The following SBF2 variants were observed in gnomAD, a reference collection of about 807,000 sequenced individuals.
SBF2 encodes the protein SET binding factor 2.
Under a neutral mutation model 225.2 loss-of-function variants are expected in SBF2, and 112 were observed. The observed-to-expected ratio is 0.50, with a 90% confidence interval of 0.43 to 0.58. The LOEUF is 0.58. SBF2 is among the 20% of genes least tolerant of loss of function. SBF2 has a pLI of 0.00. For missense variants in SBF2, 1,996 were observed against 2,206.2 expected (o/e 0.90, Z 1.91); for synonymous variants, 763 against 773.3 (o/e 0.99, Z 0.22).
At chr11:10,187,997 T>C (rs900015617) in intron 2 of SBF2, among the ~76,000 whole-genome samples, 4 of 152,216 alleles carry the variant, frequency 2.6e-5, no homozygotes, top group African/African-American at 9.7e-5. Flanking sequence ...GATGATCATC[T>C]AATAACATCC....
At chr11:9,796,019 C>T in intron 32 of SBF2, 62 bp from the exon 33 acceptor site, 1 of 1,538,458 alleles carries the variant, frequency 6.5e-7, no homozygotes, top group Non-Finnish European at 8.9e-7. Flanking sequence ...GGATGCCAGG[C>T]CACTGAAGGC....
intron 17 of SBF2, among the ~76,000 whole-genome samples, chr11:9,873,508 G>A (rs1360821526): frequency 2.6e-5 from 4 of 152,086 alleles, no homozygotes; most frequent in African/African-American, 9.7e-5. Flanking sequence ...GGGATAGTGG[G>A]GGCAGCAGCA....
In SBF2 at chr11:9,865,708, AAAAAAAAAG is replaced by A. The variant is rs1296935235; in HGVS notation, c.1930-7321_1930-7313del. 3.7e-3 allele frequency among the ~76,000 whole-genome samples: 550 copies of A among 147,206 alleles called. 26 individuals are homozygous for A. The highest frequency in any genetic ancestry group is 0.013 in the African/African-American group (513 of 39,470). On this transcript the variant is annotated intron_variant, in intron 17 of 39. Transcript: ENST00000256190. ...TGTCTCAAAAAAAAAAAAAAAAAAA[AAAAAAAAAG>A]GCGGGAGGCGTTGGGGGGCGAAACT...
At chr11:9,959,713 TTC>T in intron 16 of SBF2, 1 of 699,692 alleles carries the variant, frequency 1.4e-6, no homozygotes, top group Non-Finnish European at 2.7e-6. Context: ...GGCCTGGACT[TTC>T]TCACCCTGAG....
chr11:10,021,758 C>T (rs957937819), intron 6 of SBF2, among the ~76,000 whole-genome samples: 2 of 152,156 alleles, frequency 1.3e-5, no homozygotes, highest in Non-Finnish European at 2.9e-5. Context: ...CCACCACTAC[C>T]CCCAACCCAG....
chr11:10,138,546 G>T (rs1188427702), intron 2 of SBF2, among the ~76,000 whole-genome samples: 1 of 150,916 alleles, frequency 6.6e-6, no homozygotes. Context: ...TTTGAGACAG[G>T]ATTTTAGATG....
At chr11:10,205,960 G>A (rs182806807) in intron 1 of SBF2, among the ~76,000 whole-genome samples, 44 of 152,040 alleles carry the variant, frequency 2.9e-4, no homozygotes, top group African/African-American at 9.4e-4. Context: ...AAACACTGGG[G>A]TAGTCAGAGG....
At chr11:9,936,521 C>T (rs1312587862) in intron 16 of SBF2, among the ~76,000 whole-genome samples, 1 of 152,144 alleles carries the variant, frequency 6.6e-6, no homozygotes, top group East Asian at 1.9e-4. Context: ...TATTGCAGCA[C>T]TATTCACAAT....
chr11:10,175,041 C>A (rs1225784765), intron 2 of SBF2, among the ~76,000 whole-genome samples: 1 of 151,998 alleles, frequency 6.6e-6, no homozygotes, highest in Admixed American at 6.6e-5. Flanking sequence ...CGACCGATAC[C>A]AGCCGCTGCA....
chr11:9,783,131 G>A (rs906796350), intron 38 of SBF2: 18 of 152,112 alleles, frequency 1.2e-4, no homozygotes, highest in Non-Finnish European at 1.9e-4. Flanking sequence ...AGTGTAATTT[G>A]ATGTAAATTA....
intron 1 of SBF2, among the ~76,000 whole-genome samples, chr11:10,257,221 A>G (rs925407483): frequency 1.3e-5 from 2 of 152,168 alleles, no homozygotes; most frequent in African/African-American, 4.8e-5. Context: ...ATGACTGCAA[A>G]GTACAATCAT....
intron 2 of SBF2, among the ~76,000 whole-genome samples, chr11:10,132,219 T>C (rs1351377109): frequency 1.3e-5 from 2 of 152,186 alleles, no homozygotes; most frequent in African/African-American, 2.4e-5. Context: ...ACTGACCTAG[T>C]GGTCAATGGA....
intron 2 of SBF2, among the ~76,000 whole-genome samples, chr11:10,187,734 T>C (rs540183624): frequency 1.3e-5 from 2 of 152,214 alleles, no homozygotes; most frequent in South Asian, 4.1e-4. Flanking sequence ...TGCCACTAAT[T>C]AGCCATTATG....
intron 16 of SBF2, among the ~76,000 whole-genome samples, chr11:9,950,369 C>G (rs1339016074): frequency 6.6e-6 from 1 of 152,136 alleles, no homozygotes; most frequent in African/African-American, 2.4e-5. Context: ...GATCTCCCCC[C>G]TTCCCAAACT....
chr11:10,071,263 C>T (rs1206506909), intron 2 of SBF2, among the ~76,000 whole-genome samples: 4 of 124,930 alleles, frequency 3.2e-5, no homozygotes, highest in South Asian at 2.6e-4. Flanking sequence ...TTCTCTCTCT[C>T]TCTTTTTTTT....
chr11:9,851,050 C>T (rs934388494), intron 21 of SBF2, among the ~76,000 whole-genome samples: 14 of 150,062 alleles, frequency 9.3e-5, no homozygotes, highest in South Asian at 8.4e-4. Flanking sequence ...GCAGGAGAAT[C>T]GCTTGAACCT....
At chr11:10,253,118 CAAAA>C (rs546522229) in intron 1 of SBF2, among the ~76,000 whole-genome samples, 63 of 77,262 alleles carry the variant, frequency 8.2e-4, no homozygotes, top group Non-Finnish European at 1.3e-3. Flanking sequence ...AGGTAAATAC[CAAAA>C]AAAAAAAAAA....
At chr11:10,090,454 G>A (rs114778178) in intron 2 of SBF2, among the ~76,000 whole-genome samples, 5 of 152,214 alleles carry the variant, frequency 3.3e-5, no homozygotes, top group African/African-American at 9.6e-5. Flanking sequence ...TAACTTTACC[G>A]TGAAAAATAA....
At chr11:9,959,380 G>A (rs562959701) in intron 16 of SBF2, 19 of 805,582 alleles carry the variant, frequency 2.4e-5, no homozygotes, top group South Asian at 5.3e-5. Context: ...AGGGGTGCCC[G>A]TCTGTCCCCA....
Sources: allele counts gnomAD v4.1 joint callset (sites outside exome capture counted in the v4.1 genomes callset), GRCh38; gene constraint gnomAD v4.1.1; transcripts MANE v1.5; gene names NCBI Gene and HGNC (gene_info 2026-07-23, HGNC 2026-07-21).